Variants in ONECUT2 observed in about 807,000 individuals in gnomAD.
The protein encoded by ONECUT2 is one cut domain family member 2.
ONECUT2 carries 10 observed loss-of-function variants against 27.9 expected under a neutral mutation model. The observed-to-expected ratio is 0.36, with a 90% CI of 0.22 to 0.61. ONECUT2 has a LOEUF of 0.61. Ranked by LOEUF, ONECUT2 falls within the 20% of genes least tolerant of loss-of-function variation. The probability of loss-of-function intolerance (pLI) is 0.73; values close to 1 mark genes in which losing one functional copy is unlikely to be tolerated. For missense variants in ONECUT2, 686 were observed against 721.0 expected (o/e 0.95, Z 0.56); for synonymous variants, 334 against 315.1 (o/e 1.06, Z -0.64).
intron 1 of ONECUT2, among the ~76,000 whole-genome samples, chr18:57,438,194 C>T (rs916377415): frequency 2.2e-4 from 34 of 152,370 alleles, no homozygotes; most frequent in African/African-American, 6.7e-4. Context: ...GTGGCGACTG[C>T]GCTGCCCCTA....
At position 57,441,073 on chromosome 18, in the gene ONECUT2, G is replaced by A. The variant is rs2050171599; in HGVS notation, c.1228+4129G>A. Among the ~76,000 whole-genome samples, 5 of 152,234 alleles carry A rather than the reference G, an allele frequency of 3.3e-5. No individual in the cohort carries two copies. The South Asian group carries it at 1.0e-3, about 31-fold the overall frequency. Reference sequence around the variant, plus strand: ...GAGGCGGGACCCGAGGGAGGAGAGTGAACCCGAGCAGGAGAAGCAGCCCAG... The same window carrying A: ...GAGGCGGGACCCGAGGGAGGAGAGTAAACCCGAGCAGGAGAAGCAGCCCAG... On this transcript the variant is annotated intron_variant, in intron 1 of 1. Coordinates refer to ENST00000491143, the MANE Select transcript of ONECUT2 (RefSeq NM_004852.3).
In ONECUT2 at chr18:57,478,790, A is replaced by G. The variant is rs1208522219; in HGVS notation, c.*2067A>G. 1 of 152,628 alleles carries G rather than the reference A, an allele frequency of 6.6e-6. No individual in the cohort carries two copies. The highest frequency in any genetic ancestry group is 1.9e-4 in the East Asian group (1 of 5,202). The allele number at this position is 152,628 out of a possible 1,614,324, so 9.5% of individuals were successfully genotyped here. ...GAGGATTTCTCACACCTTTTGTTTC[A>G]GTTCATTATCTCCTCTTGCCTGGCT... On this transcript the variant is annotated 3_prime_UTR_variant, in exon 2 of 2. Transcript: ENST00000491143.
intron 1 of ONECUT2, chr18:57,444,440 C>A (rs971570224): frequency 4.4e-6 from 2 of 456,616 alleles, no homozygotes; most frequent in Admixed American, 4.7e-5. Context: ...GGGTAGCAAG[C>A]CTTTCCTTTT....
chr18:57,445,019 G>C (rs949338567), intron 1 of ONECUT2, among the ~76,000 whole-genome samples: 1 of 152,090 alleles, frequency 6.6e-6, no homozygotes, highest in Admixed American at 6.5e-5. Flanking sequence ...GATGCATTTG[G>C]CATCTTTTTT....
At position 57,487,295 on chromosome 18, in the gene ONECUT2, C is replaced by G. The variant is rs1035570293; in HGVS notation, c.*10572C>G. ...GGATCCTCATAACCCAAATATATCA[C>G]CGTATGTGAGAGGGATTTGAAAGCG... On this transcript the variant is annotated 3_prime_UTR_variant, in exon 2 of 2. Transcript: ENST00000491143. The G allele has an allele frequency of 1.3e-5, 2 of 152,216 alleles. No individual in the cohort carries two copies. The highest frequency in any genetic ancestry group is 2.9e-5 in the Non-Finnish European group (2 of 68,042). The allele number at this position is 152,216 out of a possible 1,614,324, so 9.4% of individuals were successfully genotyped here. A position where few individuals can be genotyped will look rare whatever the true frequency, so the allele number is the denominator to read the frequency against.
At position 57,486,225 on chromosome 18, in the gene ONECUT2, C is replaced by T. The variant is rs1436311798; in HGVS notation, c.*9502C>T. ...GAGTGCCTTGCTTGAACCAAAGCAA[C>T]GATTTAGCCAGTCTGGACCTCTCTG... On this transcript the variant is annotated 3_prime_UTR_variant, in exon 2 of 2. Coordinates refer to ENST00000491143, the MANE Select transcript of ONECUT2 (RefSeq NM_004852.3). 5 of 152,604 alleles carry T rather than the reference C, an allele frequency of 3.3e-5. No individual in the cohort carries two copies. The highest frequency in any genetic ancestry group is 2.1e-4 in the South Asian group (1 of 4,826). 9.5% of individuals were successfully genotyped at this position (152,604 alleles called of 1,614,324 possible).
chr18:57,467,047 C>T (rs2050325025), intron 1 of ONECUT2: 1 of 392,888 alleles, frequency 2.5e-6, no homozygotes, highest in African/African-American at 2.1e-5. Context: ...CAGGCCATGC[C>T]TCCATATAAG....
chr18:57,447,909 T>C (rs1357298103), intron 1 of ONECUT2, among the ~76,000 whole-genome samples: 3 of 152,192 alleles, frequency 2.0e-5, no homozygotes, highest in African/African-American at 7.2e-5. Flanking sequence ...ATGAAAACCT[T>C]GCCACTGCTT....
Position 57,435,643 on chromosome 18 carries a change from C to T in ONECUT2, c.-74C>T. 1 of 992,174 alleles carries T rather than the reference C, an allele frequency of 1.0e-6. No homozygotes were observed. The highest frequency in any genetic ancestry group is 1.2e-6 in the Non-Finnish European group (1 of 830,862). 61.5% of individuals were successfully genotyped at this position (992,174 alleles called of 1,614,324 possible). The stretch of plus-strand genomic sequence containing the variant: ...GCCCGCCCCCACTCCCGCAGCCGAG[C>T]CCCGCCACGCGCGCCTTGCCCGCCC... On this transcript the variant is annotated 5_prime_UTR_variant, in exon 1 of 2. Coordinates refer to ENST00000491143, the MANE Select transcript of ONECUT2 (RefSeq NM_004852.3).
At chr18:57,456,288 G>A (rs1010337542) in intron 1 of ONECUT2, among the ~76,000 whole-genome samples, 2 of 152,056 alleles carry the variant, frequency 1.3e-5, no homozygotes, top group Non-Finnish European at 2.9e-5. Flanking sequence ...TTGTACACCC[G>A]TGTTCACTGC....
At position 57,488,812 on chromosome 18, in the gene ONECUT2, G is replaced by A. The variant is rs2050450340; in HGVS notation, c.*12089G>A. ...CCTGGCCTGGGAAAAGGCAGGTCAT[G>A]GGCTGGAAGGTAGGTTTTGGTACTA... On this transcript the variant is annotated 3_prime_UTR_variant, in exon 2 of 2. Transcript: ENST00000491143. The A allele has an allele frequency of 6.6e-6, 1 of 152,490 alleles. No homozygotes were observed. The highest frequency in any genetic ancestry group is 2.1e-4 in the South Asian group (1 of 4,822). The allele number at this position is 152,490 out of a possible 1,614,324, so 9.4% of individuals were successfully genotyped here.
At chr18:57,437,599 A>G (rs2050150003) in intron 1 of ONECUT2, among the ~76,000 whole-genome samples, 2 of 152,262 alleles carry the variant, frequency 1.3e-5, no homozygotes, top group South Asian at 4.2e-4. Context: ...TGGCGCAGGG[A>G]CTTTCTGACC....
Position 57,489,123 on chromosome 18 carries a change from C to T in ONECUT2, c.*12400C>T, listed in dbSNP as rs983375086. ...ATGGGACATTACCAAAGGCTTCTTC[C>T]TCCATCCTGGGGTTGCAAAGGATCC... On this transcript the variant is annotated 3_prime_UTR_variant, in exon 2 of 2. Transcript: ENST00000491143. 2 of 152,292 alleles carry T rather than the reference C, an allele frequency of 1.3e-5. No homozygotes were observed. Among genetic ancestry groups the T allele is most frequent in the African/African-American group, 2.4e-5 (1 of 41,450 alleles). 9.4% of individuals were successfully genotyped at this position (152,292 alleles called of 1,614,324 possible). A position where few individuals can be genotyped will look rare whatever the true frequency, so the allele number is the denominator to read the frequency against.
chr18:57,467,216 C>G (rs985317168), intron 1 of ONECUT2: 1 of 456,132 alleles, frequency 2.2e-6, no homozygotes, highest in Non-Finnish European at 4.4e-6. Flanking sequence ...TGCCTCCAGC[C>G]GACAGTAAGT....
chr18:57,467,062 T>C, intron 1 of ONECUT2: 1 of 409,986 alleles, frequency 2.4e-6, no homozygotes, highest in South Asian at 1.8e-5. Context: ...TATAAGAAAG[T>C]CGTGAGACAT....
At chr18:57,458,117 A>G (rs2050270270) in intron 1 of ONECUT2, among the ~76,000 whole-genome samples, 1 of 152,236 alleles carries the variant, frequency 6.6e-6, no homozygotes, top group South Asian at 2.1e-4. Context: ...AATTTAAAGT[A>G]TAATAATAAA....
intron 1 of ONECUT2, among the ~76,000 whole-genome samples, chr18:57,463,860 G>A (rs971841904): frequency 2.0e-5 from 3 of 151,824 alleles, no homozygotes; most frequent in Non-Finnish European, 2.9e-5. Flanking sequence ...GTGTATTCTC[G>A]TGGATTTTTA....
At chr18:57,461,054 A>G (rs958629718) in intron 1 of ONECUT2, among the ~76,000 whole-genome samples, 4 of 151,996 alleles carry the variant, frequency 2.6e-5, no homozygotes, top group African/African-American at 9.7e-5. Context: ...TTTTGGTTAG[A>G]GTTATTTCTA....
At chr18:57,450,931 G>A (rs963804563) in intron 1 of ONECUT2, among the ~76,000 whole-genome samples, 1 of 152,064 alleles carries the variant, frequency 6.6e-6, no homozygotes, top group Admixed American at 6.5e-5. Flanking sequence ...GAACTAAGTA[G>A]TTGGGAGTGA....
Sources: allele counts gnomAD v4.1 joint callset (sites outside exome capture counted in the v4.1 genomes callset), GRCh38; gene constraint gnomAD v4.1.1; transcripts MANE v1.5; gene names NCBI Gene and HGNC (gene_info 2026-07-23, HGNC 2026-07-21).